Variants in MYO3B observed in about 807,000 individuals in gnomAD.
MYO3B encodes the protein myosin-IIIb.
A neutral mutation model predicts 174.6 loss-of-function variants in MYO3B; 156 were observed. That is an observed-to-expected ratio of 0.89 (90% CI 0.78 to 1.02). The LOEUF (loss-of-function observed/expected upper bound fraction) is 1.02, where lower values mean the gene tolerates loss of function less well. Among genes scored for constraint, MYO3B ranks in the 50% least tolerant of loss-of-function variants. MYO3B has a pLI of 0.00. For missense variants in MYO3B, 1,632 were observed against 1,639.4 expected, an observed-to-expected ratio of 1.00 and a Z score of 0.08; for synonymous variants, 563 against 569.1, an observed-to-expected ratio of 0.99 and a Z score of 0.15.
At chr2:170,277,314 G>T (rs760264365) in intron 7 of MYO3B, among the ~76,000 whole-genome samples, 16 of 152,198 alleles carry the variant, frequency 1.1e-4, no homozygotes, top group Non-Finnish European at 2.1e-4. Context: ...GATTTCCCAA[G>T]AAACTAAAAC....
intron 16 of MYO3B, among the ~76,000 whole-genome samples, chr2:170,399,911 A>G (rs1471766620): frequency 6.6e-6 from 1 of 152,234 alleles, no homozygotes; most frequent in Non-Finnish European, 1.5e-5. Context: ...TGGGAGTTCC[A>G]GCCGGCAATA....
At chr2:170,649,376 A>ATAT (rs1559202655) in intron 32 of MYO3B, among the ~76,000 whole-genome samples, 1 of 55,870 alleles carries the variant, frequency 1.8e-5, no homozygotes, top group African/African-American at 6.7e-5. Flanking sequence ...ATAAAAATAT[A>ATAT]AATATATTAT....
intron 32 of MYO3B, among the ~76,000 whole-genome samples, chr2:170,597,562 A>G (rs940531118): frequency 1.3e-5 from 2 of 151,870 alleles, no homozygotes; most frequent in African/African-American, 2.4e-5. Flanking sequence ...CATCAATTCT[A>G]TGATTCCCTG....
At chr2:170,540,873 G>C (rs1292630046) in intron 30 of MYO3B, among the ~76,000 whole-genome samples, 1 of 151,982 alleles carries the variant, frequency 6.6e-6, no homozygotes. Context: ...TCCTTTCTTG[G>C]AGTCTCATTG....
chr2:170,208,177 A>G lies in MYO3B; in HGVS notation c.322-6202A>G, dbSNP rs113156680. ...ATCTACCTCTGGATCCCTCAAATCC[A>G]GTTTTCTTTCCTAGGGCTTTGACCT... On this transcript the variant is annotated intron_variant, in intron 3 of 34. Transcript: ENST00000408978. Among the ~76,000 whole-genome samples the G allele has an allele frequency of 4.6e-3, 697 of 152,304 alleles. 1 individual carries two copies. The highest frequency in any genetic ancestry group is 8.0e-3 in the Non-Finnish European group (544 of 68,008).
chr2:170,588,793 T>C (rs1693647453), intron 32 of MYO3B, among the ~76,000 whole-genome samples: 1 of 152,154 alleles, frequency 6.6e-6, no homozygotes, highest in Non-Finnish European at 1.5e-5. Context: ...ACTGATGCAA[T>C]TCTGGAAGGA....
chr2:170,509,587 G>A (rs1012097523), intron 28 of MYO3B, among the ~76,000 whole-genome samples: 1 of 152,178 alleles, frequency 6.6e-6, no homozygotes, highest in Admixed American at 6.5e-5. Flanking sequence ...GTGAAGAGCT[G>A]TGCTCCATTC....
chr2:170,178,295 T>G lies in MYO3B; in HGVS notation c.2+6T>G, dbSNP rs772427589. The G allele has an allele frequency of 2.0e-5, 32 of 1,613,994 alleles. No homozygotes were observed. In the African/African-American group the frequency reaches 3.7e-4, roughly 19 times the overall value. ...TCAGAAAATAGGTCATCGATGTGAGTTGCAGTTATTTTCCTTCCAGCTTTC... is the reference window on the plus strand; with the variant it reads ...TCAGAAAATAGGTCATCGATGTGAGGTGCAGTTATTTTCCTTCCAGCTTTC... On this transcript the variant is annotated splice_donor_region_variant and intron_variant, in intron 1 of 34. Coordinates refer to ENST00000408978, the MANE Select transcript of MYO3B (RefSeq NM_138995.5).
At chr2:170,370,859 C>G (rs1299970868) in intron 9 of MYO3B, among the ~76,000 whole-genome samples, 2 of 151,932 alleles carry the variant, frequency 1.3e-5, no homozygotes, top group African/African-American at 4.8e-5. Flanking sequence ...TCATATTTGC[C>G]TGACTTTGCC....
At chr2:170,447,679 T>G (rs1371603374) in intron 23 of MYO3B, among the ~76,000 whole-genome samples, 1 of 152,180 alleles carries the variant, frequency 6.6e-6, no homozygotes, top group African/African-American at 2.4e-5. Context: ...ACAGAGCCAA[T>G]TGATCAAGAT....
chr2:170,407,294 T>A (rs2094516098), intron 21 of MYO3B, among the ~76,000 whole-genome samples: 1 of 151,712 alleles, frequency 6.6e-6, no homozygotes, highest in African/African-American at 2.4e-5. Context: ...ACCCCATCTC[T>A]GCTAAAAATA....
chr2:170,598,897 A>G (rs1303501554), intron 32 of MYO3B, among the ~76,000 whole-genome samples: 1 of 152,216 alleles, frequency 6.6e-6, no homozygotes, highest in Non-Finnish European at 1.5e-5. Flanking sequence ...CTATAAAACT[A>G]TAGTTAACCA....
chr2:170,212,165 C>T (rs1380650598), intron 3 of MYO3B, among the ~76,000 whole-genome samples: 3 of 151,742 alleles, frequency 2.0e-5, no homozygotes, highest in Non-Finnish European at 1.5e-5. Context: ...ATCGCTTGGA[C>T]CCAGGGGGCG....
chr2:170,365,005 C>G (rs553565370), intron 8 of MYO3B, among the ~76,000 whole-genome samples: 6 of 152,228 alleles, frequency 3.9e-5, no homozygotes, highest in Non-Finnish European at 8.8e-5. Context: ...CCCAGTATGA[C>G]TTCTGCCTTT....
At chr2:170,623,799 C>T (rs1401042431) in intron 32 of MYO3B, among the ~76,000 whole-genome samples, 2 of 152,166 alleles carry the variant, frequency 1.3e-5, no homozygotes, top group African/African-American at 4.8e-5. Context: ...TATGGCTAGC[C>T]AGTTTTCCCA....
At chr2:170,274,231 C>A (rs2093446680) in intron 7 of MYO3B, among the ~76,000 whole-genome samples, 2 of 152,186 alleles carry the variant, frequency 1.3e-5, no homozygotes, top group African/African-American at 2.4e-5. Context: ...GTAGGTGAGA[C>A]AATAATATCC....
At chr2:170,496,277 A>G (rs914980453) in intron 25 of MYO3B, among the ~76,000 whole-genome samples, 9 of 152,262 alleles carry the variant, frequency 5.9e-5, no homozygotes, top group African/African-American at 2.2e-4. Context: ...GAATGAGTCA[A>G]GTACTAATTA....
rs149463266 is a variant in MYO3B, at chr2:170,217,141, T to C, written c.527-178T>C. Among the ~76,000 whole-genome samples the C allele has an allele frequency of 4.5e-3, 684 of 152,306 alleles. 3 individuals carry two copies. Among genetic ancestry groups the C allele is most frequent in the African/African-American group, 0.015 (627 of 41,570 alleles). ...TTGGAATGCAGCCACATTCATTCAT[T>C]TATGTGTTTACTATGGCTGCTTTTG... On this transcript the variant is annotated intron_variant, in intron 5 of 34. Coordinates refer to ENST00000408978, the MANE Select transcript of MYO3B (RefSeq NM_138995.5).
At chr2:170,640,675 T>C (rs1697890122) in intron 32 of MYO3B, 2 of 152,250 alleles carry the variant, frequency 1.3e-5, no homozygotes, top group African/African-American at 4.8e-5. Context: ...ATGGTGCTAG[T>C]ATGTCTTAAA....
Sources: allele counts gnomAD v4.1 joint callset (sites outside exome capture counted in the v4.1 genomes callset), GRCh38; gene constraint gnomAD v4.1.1; transcripts MANE v1.5; gene names NCBI Gene and HGNC (gene_info 2026-07-23, HGNC 2026-07-21).